The following MYO18B variants were observed in gnomAD, a reference collection of about 807,000 sequenced individuals.
MYO18B encodes unconventional myosin-XVIIIb.
MYO18B carries 204 observed loss-of-function variants against 273.0 expected under a neutral mutation model. The ratio of observed to expected loss-of-function variants is 0.75; its 90% CI spans 0.67 to 0.84. MYO18B has a LOEUF of 0.84. MYO18B is among the 40% of genes least tolerant of loss of function. The probability of loss-of-function intolerance (pLI) is 0.00; values close to 1 mark genes in which losing one functional copy is unlikely to be tolerated. For synonymous variants in MYO18B, 1,330 were observed against 1,305.7 expected (o/e 1.02, Z -0.40); for missense variants, 3,212 against 3,287.6 (o/e 0.98, Z 0.56).
At chr22:25,990,728 A>T (rs1480510742) in intron 39 of MYO18B, among the ~76,000 whole-genome samples, 1 of 59,058 alleles carries the variant, frequency 1.7e-5, no homozygotes, top group Admixed American at 1.4e-4. Flanking sequence ...AAAGAAAAAG[A>T]AAAAAAAAAA....
intron 22 of MYO18B, among the ~76,000 whole-genome samples, chr22:25,871,115 G>C (rs1217531163): frequency 5.9e-5 from 9 of 152,290 alleles, no homozygotes; most frequent in Non-Finnish European, 1.3e-4. Context: ...AGCATCTTAC[G>C]CATTGCAGGA....
Position 25,968,880 on chromosome 22 carries a change from C to T in MYO18B, c.6156+13516C>T, listed in dbSNP as rs569082124. On this transcript the variant is annotated intron_variant, in intron 39 of 43. Coordinates refer to ENST00000335473, the MANE Select transcript of MYO18B (RefSeq NM_032608.7). The stretch of plus-strand genomic sequence containing the variant: ...AGCTGGTTGGTCATAGAGCTGCAAG[C>T]TTTGAGTGTGTCTCAAATGGCTGAT... 4.9e-4 allele frequency among the ~76,000 whole-genome samples: 74 copies of T among 152,306 alleles called. 1 individual carries two copies. Among genetic ancestry groups the T allele is most frequent in the African/African-American group, 1.7e-3 (71 of 41,546 alleles).
At chr22:26,020,873 G>C (rs560797955) in intron 42 of MYO18B, among the ~76,000 whole-genome samples, 1 of 152,270 alleles carries the variant, frequency 6.6e-6, no homozygotes, top group South Asian at 2.1e-4. Flanking sequence ...TGGATCACTT[G>C]AGGTCAGGAG....
intron 21 of MYO18B, 106 bp downstream of exon 21, chr22:25,851,685 C>A: frequency 1.2e-6 from 1 of 836,070 alleles, no homozygotes; most frequent in Non-Finnish European, 2.0e-6. Flanking sequence ...CCTGTAATCT[C>A]AGTGCTTTGG....
chr22:25,837,840 G>T (rs2089952840), intron 17 of MYO18B, among the ~76,000 whole-genome samples: 2 of 152,168 alleles, frequency 1.3e-5, no homozygotes, highest in South Asian at 4.2e-4. Flanking sequence ...ACAGTGCCCG[G>T]TGTTCTGGGG....
chr22:25,840,624 A>T (rs556872046), intron 17 of MYO18B, among the ~76,000 whole-genome samples: 1 of 152,380 alleles, frequency 6.6e-6, no homozygotes, highest in South Asian at 2.1e-4. Flanking sequence ...TTTTTACAAA[A>T]CTGATGAATA....
chr22:25,787,461 C>G (rs1272671545), intron 11 of MYO18B, among the ~76,000 whole-genome samples: 2 of 152,092 alleles, frequency 1.3e-5, no homozygotes, highest in Non-Finnish European at 2.9e-5. Context: ...GTTGTAGAGT[C>G]TGTTTCTGCA....
intron 21 of MYO18B, among the ~76,000 whole-genome samples, chr22:25,862,591 T>C (rs1190599304): frequency 6.6e-6 from 1 of 152,192 alleles, no homozygotes; most frequent in African/African-American, 2.4e-5. Flanking sequence ...TTTTGCCAGA[T>C]ACGGAATTCC....
chr22:25,893,807 C>T (rs771361097), intron 27 of MYO18B, among the ~76,000 whole-genome samples: 2 of 151,800 alleles, frequency 1.3e-5, no homozygotes, highest in Non-Finnish European at 2.9e-5. Flanking sequence ...ACCCATCCAC[C>T]CATCCATCCA....
At chr22:26,039,424 T>A in the MYO18B span, among the ~76,000 whole-genome samples, 1 of 152,204 alleles carries the variant, frequency 6.6e-6, no homozygotes, top group South Asian at 2.1e-4. Context: ...GCCCAAGTAT[T>A]TTTTGAGCAT....
chr22:25,902,962 C>A, intron 30 of MYO18B: 1 of 504,086 alleles, frequency 2.0e-6, no homozygotes. Context: ...CTTCAGTTAC[C>A]TGCACAGGTT....
At chr22:25,797,495 C>T (rs1391486135) in intron 11 of MYO18B, among the ~76,000 whole-genome samples, 1 of 152,166 alleles carries the variant, frequency 6.6e-6, no homozygotes, top group Non-Finnish European at 1.5e-5. Context: ...CCCTACAGAG[C>T]CTACCTCTAG....
chr22:25,992,560 C>T, intron 40 of MYO18B, 67 bp downstream of exon 40: 9 of 1,598,948 alleles, frequency 5.6e-6, no homozygotes, highest in Non-Finnish European at 7.7e-6. Context: ...AGCTCTATGC[C>T]CTTTAGCCGG....
chr22:25,958,849 C>A (rs1269702510), intron 39 of MYO18B, among the ~76,000 whole-genome samples: 1 of 152,180 alleles, frequency 6.6e-6, no homozygotes, highest in Non-Finnish European at 1.5e-5. Flanking sequence ...AGATAAGGGG[C>A]AGCTTCTTTG....
In MYO18B at chr22:25,769,104, G is replaced by T; in HGVS notation, c.1188G>T (p.Gly396=). 6.2e-7 allele frequency: 1 copy of T among 1,613,500 alleles called. No homozygotes were observed. Among genetic ancestry groups the T allele is most frequent in the South Asian group, 1.1e-5 (1 of 90,904 alleles). ...GESWDKKEKM[G]QPQGKSGNAG... Reference sequence around the variant, plus strand: ...CCTGGGATAAGAAGGAAAAGATGGGGCAACCCCAGGGTAAGTCCGGGAACG... The same window carrying T: ...CCTGGGATAAGAAGGAAAAGATGGGTCAACCCCAGGGTAAGTCCGGGAACG... Residue 396 remains glycine (G), a synonymous_variant, in exon 4 of 44, where the codon GGG becomes GGT. Coordinates refer to ENST00000335473, the MANE Select transcript of MYO18B (RefSeq NM_032608.7).
intron 15 of MYO18B, among the ~76,000 whole-genome samples, chr22:25,832,491 G>A (rs923147508): frequency 7.2e-5 from 11 of 152,116 alleles, no homozygotes; most frequent in Non-Finnish European, 1.6e-4. Context: ...TGAACCCTGA[G>A]GACATTATGC....
intron 1 of MYO18B, among the ~76,000 whole-genome samples, chr22:25,753,543 G>A (rs1485150333): frequency 6.6e-6 from 1 of 152,294 alleles, no homozygotes; most frequent in Non-Finnish European, 1.5e-5. Flanking sequence ...CCGCGTTGTG[G>A]GGTGGTTGTG....
At chr22:25,834,354 A>G (rs1054219050) in intron 16 of MYO18B, among the ~76,000 whole-genome samples, 25 of 152,036 alleles carry the variant, frequency 1.6e-4, no homozygotes, top group Non-Finnish European at 7.4e-5. Flanking sequence ...TGGGCTGGCT[A>G]TCAGTTTCAG....
At chr22:25,979,300 G>C (rs796976689) in intron 39 of MYO18B, among the ~76,000 whole-genome samples, 44 of 152,342 alleles carry the variant, frequency 2.9e-4, no homozygotes, top group African/African-American at 9.4e-4. Flanking sequence ...GGGAAGTGTA[G>C]TGTCAGTATA....
Sources: allele counts gnomAD v4.1 joint callset (sites outside exome capture counted in the v4.1 genomes callset), GRCh38; gene constraint gnomAD v4.1.1; transcripts MANE v1.5; gene names NCBI Gene and HGNC (gene_info 2026-07-23, HGNC 2026-07-21).